RALGAPA2: variants seen among roughly 807,000 people sequenced by gnomAD.
RALGAPA2 encodes the protein ral GTPase-activating protein subunit alpha-2.
Under a neutral mutation model 230.4 loss-of-function variants are expected in RALGAPA2, and 139 were observed. That is an observed-to-expected ratio of 0.60 (90% CI 0.53 to 0.69). The LOEUF is 0.69. Ranked by LOEUF, RALGAPA2 falls within the 30% of genes least tolerant of loss-of-function variation. RALGAPA2 has a pLI of 0.00. For missense variants in RALGAPA2, 2,163 were observed against 2,276.0 expected (o/e 0.95, Z 1.01); for synonymous variants, 847 against 837.8 (o/e 1.01, Z -0.19).
intron 27 of RALGAPA2, among the ~76,000 whole-genome samples, chr20:20,530,835 C>T (rs190905882): frequency 1.1e-4 from 16 of 152,224 alleles, no homozygotes; most frequent in Admixed American, 1.0e-3. Flanking sequence ...GACGCTTACC[C>T]CTGAACTAAG....
chr20:20,619,479 A>G, intron 11 of RALGAPA2, 65 bp from the exon 12 acceptor site: 1 of 1,114,502 alleles, frequency 9.0e-7, no homozygotes. Context: ...ATTTAACTAT[A>G]AATATAATTA....
chr20:20,644,036 G>C (rs942749087), intron 4 of RALGAPA2, among the ~76,000 whole-genome samples: 6 of 152,152 alleles, frequency 3.9e-5, no homozygotes, highest in Admixed American at 2.6e-4. Context: ...GCAGAATCAA[G>C]GCTGACTCGG....
At position 20,458,701 on chromosome 20, in the gene RALGAPA2, TAC is replaced by T. The variant is rs374936288; in HGVS notation, c.5495+14126_5495+14127del. Among the ~76,000 whole-genome samples the T allele has an allele frequency of 9.3e-3, 1,240 of 133,922 alleles. 16 individuals are homozygous for T. Among genetic ancestry groups the T allele is most frequent in the South Asian group, 0.03 (132 of 4,344 alleles). 87.9% of individuals were successfully genotyped at this position (133,922 alleles called of 152,430 possible). On this transcript the variant is annotated intron_variant, in intron 37 of 39. Coordinates refer to ENST00000202677, the MANE Select transcript of RALGAPA2 (RefSeq NM_020343.4). ...ATATATATATAGACCTATATATATA[TAC>T]ACACACACACCTATATATATATATA...
chr20:20,413,032 G>A (rs1457152902), intron 37 of RALGAPA2, among the ~76,000 whole-genome samples: 3 of 152,172 alleles, frequency 2.0e-5, no homozygotes, highest in Non-Finnish European at 4.4e-5. Flanking sequence ...CACATACGAC[G>A]TTATGAATTA....
chr20:20,497,927 C>T (rs147823535), intron 35 of RALGAPA2, among the ~76,000 whole-genome samples: 817 of 152,298 alleles, frequency 5.4e-3, no homozygotes, highest in Middle Eastern at 0.01. Flanking sequence ...AAACTAAAAG[C>T]TAAGGCCATG....
chr20:20,658,107 G>A (rs1047422596), intron 3 of RALGAPA2, among the ~76,000 whole-genome samples: 1 of 152,132 alleles, frequency 6.6e-6, no homozygotes, highest in East Asian at 1.9e-4. Flanking sequence ...CCACTTCTGG[G>A]TAAGTTTTCA....
chr20:20,698,546 C>T (rs996793640), intron 1 of RALGAPA2, among the ~76,000 whole-genome samples: 4 of 152,004 alleles, frequency 2.6e-5, no homozygotes, highest in East Asian at 3.9e-4. Flanking sequence ...CCCACCACCA[C>T]GCCTGACTTA....
At chr20:20,651,061 A>T (rs2146591507) in intron 4 of RALGAPA2, among the ~76,000 whole-genome samples, 1 of 152,352 alleles carries the variant, frequency 6.6e-6, no homozygotes, top group South Asian at 2.1e-4. Flanking sequence ...AAGCTATAGA[A>T]ATAATAACTT....
chr20:20,549,720 T>TC (rs2145740668), intron 23 of RALGAPA2, among the ~76,000 whole-genome samples: 1 of 152,310 alleles, frequency 6.6e-6, no homozygotes, highest in East Asian at 1.9e-4. Context: ...TAGTGGGACA[T>TC]CCACAAAATG....
chr20:20,481,177 A>G (rs2061764546), intron 36 of RALGAPA2, among the ~76,000 whole-genome samples: 1 of 152,250 alleles, frequency 6.6e-6, no homozygotes, highest in Admixed American at 6.5e-5. Context: ...ACGTGGCAAC[A>G]CTAGCCAGCA....
At chr20:20,643,394 A>C in intron 5 of RALGAPA2, 112 bp downstream of exon 5, 1 of 998,428 alleles carries the variant, frequency 1.0e-6, no homozygotes, top group Non-Finnish European at 1.4e-6. Context: ...AATTAAAACT[A>C]AGTCAAGTGG....
intron 1 of RALGAPA2, among the ~76,000 whole-genome samples, chr20:20,700,662 T>C (rs971782330): frequency 7.2e-5 from 11 of 152,096 alleles, no homozygotes; most frequent in African/African-American, 2.4e-4. Context: ...TGCCCCTCTT[T>C]CCCCCGAACC....
chr20:20,549,992 A>AT (rs1283085364), intron 23 of RALGAPA2, among the ~76,000 whole-genome samples: 1 of 152,044 alleles, frequency 6.6e-6, no homozygotes, highest in Non-Finnish European at 1.5e-5. Context: ...TCATGTTTTA[A>AT]TTTTTTTATT....
At chr20:20,524,631 T>C in intron 29 of RALGAPA2, 88 bp from the exon 30 acceptor site, 1 of 1,524,294 alleles carries the variant, frequency 6.6e-7, no homozygotes, top group Admixed American at 1.8e-5. Context: ...CTACACCCAG[T>C]ATTCAGTGGA....
intron 16 of RALGAPA2, among the ~76,000 whole-genome samples, chr20:20,592,621 A>T (rs2065325911): frequency 6.6e-6 from 1 of 152,192 alleles, no homozygotes; most frequent in African/African-American, 2.4e-5. Context: ...TACTACTACT[A>T]AGAAGAGGAT....
intron 9 of RALGAPA2, among the ~76,000 whole-genome samples, chr20:20,629,952 T>C (rs1447191602): frequency 6.6e-6 from 1 of 152,220 alleles, no homozygotes; most frequent in Admixed American, 6.5e-5. Flanking sequence ...CACTTTAGCA[T>C]TTGCTCCTAT....
At chr20:20,692,584 A>G (rs369343599) in intron 1 of RALGAPA2, among the ~76,000 whole-genome samples, 2 of 152,334 alleles carry the variant, frequency 1.3e-5, no homozygotes, top group East Asian at 1.9e-4. Flanking sequence ...TGGTGGCAAC[A>G]TGCTCCTTGC....
intron 37 of RALGAPA2, among the ~76,000 whole-genome samples, chr20:20,441,068 T>C (rs1181292002): frequency 6.6e-6 from 1 of 152,260 alleles, no homozygotes; most frequent in Non-Finnish European, 1.5e-5. Flanking sequence ...AATGGAGCAG[T>C]GTAGCTCTGC....
chr20:20,647,915 T>TA (rs1212618904), intron 4 of RALGAPA2, among the ~76,000 whole-genome samples: 1 of 152,188 alleles, frequency 6.6e-6, no homozygotes, highest in Non-Finnish European at 1.5e-5. Flanking sequence ...GGTAGGAATA[T>TA]AAAATGGTAC....
Sources: allele counts gnomAD v4.1 joint callset (sites outside exome capture counted in the v4.1 genomes callset), GRCh38; gene constraint gnomAD v4.1.1; transcripts MANE v1.5; gene names NCBI Gene and HGNC (gene_info 2026-07-23, HGNC 2026-07-21).